The following PCDHA4 variants were observed in gnomAD, a reference collection of about 807,000 sequenced individuals.
PCDHA4 encodes the protein protocadherin alpha-4.
Under a neutral mutation model 61.4 loss-of-function variants are expected in PCDHA4, and 49 were observed. That is an observed-to-expected ratio of 0.80 (90% CI 0.63 to 1.01). The LOEUF (loss-of-function observed/expected upper bound fraction) is 1.01, where lower values mean the gene tolerates loss of function less well. PCDHA4 is among the 50% of genes least tolerant of loss of function. The probability of loss-of-function intolerance (pLI) is 0.00; values close to 1 mark genes in which losing one functional copy is unlikely to be tolerated. For missense variants in PCDHA4, 1,254 were observed against 1,235.8 expected (o/e 1.01, Z -0.22); for synonymous variants, 590 against 550.3 (o/e 1.07, Z -1.01).
intron 3 of PCDHA4, among the ~76,000 whole-genome samples, chr5:140,990,165 G>A (rs2097378132): frequency 6.6e-6 from 1 of 152,126 alleles, no homozygotes; most frequent in African/African-American, 2.4e-5. Flanking sequence ...GTTAGGGTAT[G>A]AAAAGGTGAC....
chr5:140,830,384 C>T (rs2150185843), intron 1 of PCDHA4: 1 of 1,614,156 alleles, frequency 6.2e-7, no homozygotes, highest in South Asian at 1.1e-5. Context: ...GGAGGGCCCA[C>T]CCAAGATGGA....
intron 1 of PCDHA4, among the ~76,000 whole-genome samples, chr5:140,959,554 A>G (rs1375729843): frequency 6.6e-6 from 1 of 152,210 alleles, no homozygotes; most frequent in Non-Finnish European, 1.5e-5. Context: ...TATAAATAGA[A>G]TCAGTACTAG....
intron 1 of PCDHA4, among the ~76,000 whole-genome samples, chr5:140,908,325 T>C (rs189387427): frequency 6.6e-6 from 1 of 152,172 alleles, no homozygotes; most frequent in African/African-American, 2.4e-5. Flanking sequence ...GTGGAGACCA[T>C]GGGAATTTGA....
Sources: allele counts gnomAD v4.1 joint callset (sites outside exome capture counted in the v4.1 genomes callset), GRCh38; gene constraint gnomAD v4.1.1; transcripts MANE v1.5; gene names NCBI Gene and HGNC (gene_info 2026-07-23, HGNC 2026-07-21).